Variants in MTUS2 observed in about 807,000 individuals in gnomAD.
The protein encoded by MTUS2 is microtubule-associated tumor suppressor candidate 2.
MTUS2 carries 40 observed loss-of-function variants against 114.1 expected under a neutral mutation model. The observed-to-expected ratio is 0.35, with a 90% CI of 0.27 to 0.46. MTUS2 has a LOEUF of 0.46. Among genes scored for constraint, MTUS2 ranks in the 20% least tolerant of loss-of-function variants. The pLI, the probability that MTUS2 is intolerant of heterozygous loss-of-function variation, is 1.00. For synonymous variants in MTUS2, 688 were observed against 672.0 expected, an observed-to-expected ratio of 1.02 and a Z score of -0.37; for missense variants, 1,679 against 1,705.4, an observed-to-expected ratio of 0.98 and a Z score of 0.27.
At chr13:29,155,907 A>G (rs1337841381) in intron 5 of MTUS2, among the ~76,000 whole-genome samples, 1 of 152,038 alleles carries the variant, frequency 6.6e-6, no homozygotes, top group East Asian at 1.9e-4. Context: ...TCTTAAAAAT[A>G]TTTAACAACT....
At chr13:28,950,692 A>G (rs1882763711) in intron 2 of MTUS2, among the ~76,000 whole-genome samples, 1 of 152,222 alleles carries the variant, frequency 6.6e-6, no homozygotes, top group Non-Finnish European at 1.5e-5. Context: ...TAAGTTTGCC[A>G]TCTTATATGG....
intron 8 of MTUS2, among the ~76,000 whole-genome samples, chr13:29,364,934 C>T (rs1269057050): frequency 6.6e-6 from 1 of 152,152 alleles, no homozygotes; most frequent in Non-Finnish European, 1.5e-5. Flanking sequence ...TAACCAAAGG[C>T]TTAAAGAAAA....
rs567943676 is a variant in MTUS2, at chr13:29,449,329, A to G, written c.3184+9280A>G. Among the ~76,000 whole-genome samples, 133 of 152,334 alleles carry G rather than the reference A, an allele frequency of 8.7e-4. 6 individuals carry two copies. In the South Asian group the frequency reaches 0.025, roughly 29 times the overall value. On this transcript the variant is annotated intron_variant, in intron 9 of 15. Coordinates refer to ENST00000612955, the MANE Select transcript of MTUS2 (RefSeq NM_001033602.4). ...TTTCAGTATGCTCTCATTTATGACTAGTAGCCCACACATACACACACATAC... is the reference window on the plus strand; with the variant it reads ...TTTCAGTATGCTCTCATTTATGACTGGTAGCCCACACATACACACACATAC...
chr13:29,188,293 AG>A (rs1894305221), intron 5 of MTUS2, among the ~76,000 whole-genome samples: 1 of 152,222 alleles, frequency 6.6e-6, no homozygotes, highest in Admixed American at 6.5e-5. Flanking sequence ...GATTATAAAT[AG>A]GTCCCTGGGT....
intron 5 of MTUS2, among the ~76,000 whole-genome samples, chr13:29,228,896 A>G (rs968019936): frequency 3.9e-5 from 6 of 152,198 alleles, no homozygotes; most frequent in African/African-American, 1.2e-4. Context: ...TTCTTGACCC[A>G]TAACAACATA....
chr13:29,334,081 G>T (rs562190423), intron 7 of MTUS2, among the ~76,000 whole-genome samples: 272 of 152,098 alleles, frequency 1.8e-3, no homozygotes, highest in African/African-American at 6.3e-3. Flanking sequence ...CCATCCCTGT[G>T]TTTTGAGCCT....
chr13:28,822,444 G>T (rs1007964816), intron 1 of MTUS2, among the ~76,000 whole-genome samples: 1 of 152,238 alleles, frequency 6.6e-6, no homozygotes, highest in Non-Finnish European at 1.5e-5. Context: ...TTGTGAAAGA[G>T]AGGTAAGAAT....
chr13:28,841,680 TTTTTTG>T (rs1875501046), intron 2 of MTUS2, among the ~76,000 whole-genome samples: 1 of 151,768 alleles, frequency 6.6e-6, no homozygotes, highest in Admixed American at 6.6e-5. Context: ...GTGTGTGTTT[TTTTTTG>T]TTTTTTTGTT....
At chr13:28,959,996 A>G (rs1052866425) in intron 2 of MTUS2, among the ~76,000 whole-genome samples, 2 of 152,262 alleles carry the variant, frequency 1.3e-5, no homozygotes, top group African/African-American at 2.4e-5. Context: ...AGAATTTGTC[A>G]TACCAAAAAC....
chr13:29,315,411 CA>C (rs1436556836), intron 6 of MTUS2, among the ~76,000 whole-genome samples: 2 of 152,124 alleles, frequency 1.3e-5, no homozygotes, highest in Admixed American at 1.3e-4. Flanking sequence ...TTACATGTTC[CA>C]AAATATCACT....
chr13:28,968,326 A>G (rs909751082), intron 2 of MTUS2, among the ~76,000 whole-genome samples: 3 of 152,228 alleles, frequency 2.0e-5, no homozygotes, highest in African/African-American at 7.2e-5. Context: ...ACATTGAGTT[A>G]ACAAAGTGTT....
intron 2 of MTUS2, among the ~76,000 whole-genome samples, chr13:28,889,212 C>T (rs1483337071): frequency 6.6e-6 from 1 of 151,376 alleles, no homozygotes; most frequent in Non-Finnish European, 1.5e-5. Flanking sequence ...TGGCAGGCTT[C>T]AGAAAAAAAA....
At chr13:28,824,189 A>G (rs1378038861) in intron 1 of MTUS2, among the ~76,000 whole-genome samples, 2 of 151,930 alleles carry the variant, frequency 1.3e-5, no homozygotes, top group Non-Finnish European at 2.9e-5. Flanking sequence ...TCTAGCCCAC[A>G]CAAATGATAA....
intron 7 of MTUS2, among the ~76,000 whole-genome samples, chr13:29,352,104 C>T (rs1178803339): frequency 2.0e-5 from 3 of 152,178 alleles, no homozygotes; most frequent in Admixed American, 6.5e-5. Flanking sequence ...CCTTCCCCAG[C>T]GTTTTCTAAA....
At chr13:29,095,565 T>C (rs1003324939) in intron 4 of MTUS2, among the ~76,000 whole-genome samples, 1 of 80,730 alleles carries the variant, frequency 1.2e-5, no homozygotes, top group African/African-American at 3.8e-5. Flanking sequence ...ATTTGGACTA[T>C]GTAAATTTTT....
chr13:28,916,352 A>T (rs1000623986), intron 2 of MTUS2, among the ~76,000 whole-genome samples: 1 of 151,878 alleles, frequency 6.6e-6, no homozygotes, highest in Non-Finnish European at 1.5e-5. Flanking sequence ...TGGTATTTTG[A>T]TAGGGGTTGC....
intron 8 of MTUS2, among the ~76,000 whole-genome samples, chr13:29,400,294 T>C (rs546317959): frequency 2.0e-5 from 3 of 152,324 alleles, no homozygotes; most frequent in East Asian, 3.9e-4. Context: ...GTTACACATG[T>C]ATCTATATAA....
chr13:29,165,695 T>G (rs747511480), intron 5 of MTUS2, among the ~76,000 whole-genome samples: 1 of 152,258 alleles, frequency 6.6e-6, no homozygotes, highest in Non-Finnish European at 1.5e-5. Flanking sequence ...CTGTATTTAT[T>G]TGGCTATCAT....
chr13:28,915,024 A>T (rs950939649), intron 2 of MTUS2, among the ~76,000 whole-genome samples: 1 of 151,828 alleles, frequency 6.6e-6, no homozygotes, highest in Non-Finnish European at 1.5e-5. Context: ...CAGGATACCA[A>T]TGGGGCTCGA....
Sources: gnomAD v4.1 joint callset for allele counts (sites outside exome capture counted in the v4.1 genomes callset) on GRCh38, gnomAD v4.1.1 for gene constraint, MANE v1.5 for transcripts, NCBI Gene and HGNC (gene_info 2026-07-23, HGNC 2026-07-21) for gene names.